TBC1D22A: variants seen among roughly 807,000 people sequenced by gnomAD.
The protein encoded by TBC1D22A is TBC1 domain family member 22A.
TBC1D22A carries 38 observed loss-of-function variants against 60.2 expected under a neutral mutation model. The ratio of observed to expected loss-of-function variants is 0.63; its 90% CI spans 0.49 to 0.83. The LOEUF is 0.83. Among genes scored for constraint, TBC1D22A ranks in the 40% least tolerant of loss-of-function variants. The pLI, the probability that TBC1D22A is intolerant of heterozygous loss-of-function variation, is 0.00. For missense variants in TBC1D22A, 628 were observed against 701.0 expected (o/e 0.90, Z 1.18); for synonymous variants, 302 against 281.7 (o/e 1.07, Z -0.72).
At chr22:46,988,726 G>C (rs1283976995) in intron 9 of TBC1D22A, among the ~76,000 whole-genome samples, 1 of 152,224 alleles carries the variant, frequency 6.6e-6, no homozygotes, top group Non-Finnish European at 1.5e-5. Context: ...AGCACAGGCA[G>C]AGTACTGAGC....
At chr22:46,921,995 C>T (rs1047013600) in intron 8 of TBC1D22A, among the ~76,000 whole-genome samples, 81 of 152,080 alleles carry the variant, frequency 5.3e-4, no homozygotes, top group Non-Finnish European at 8.8e-4. Flanking sequence ...TATTTCCTTA[C>T]ATTATCTTAC....
Position 46,985,515 on chromosome 22 carries a change from A to C in TBC1D22A, c.1125+11116A>C, listed in dbSNP as rs555507379. On this transcript the variant is annotated intron_variant, in intron 9 of 12. Coordinates refer to ENST00000337137, the MANE Select transcript of TBC1D22A (RefSeq NM_014346.5). Reference sequence around the variant, plus strand: ...TGAATCATTGAGCAGCAAGCAATTTAAAAATGAAAATTAAAAAATTCAATT... The same window carrying C: ...TGAATCATTGAGCAGCAAGCAATTTCAAAATGAAAATTAAAAAATTCAATT... Among the ~76,000 whole-genome samples the C allele has an allele frequency of 1.6e-3, 243 of 152,340 alleles. 1 individual carries two copies. The highest frequency in any genetic ancestry group is 0.014 in the Middle Eastern group (4 of 294).
chr22:46,766,049 G>GT (rs2083275267), intron 1 of TBC1D22A, among the ~76,000 whole-genome samples: 2 of 151,018 alleles, frequency 1.3e-5, no homozygotes, highest in Non-Finnish European at 2.9e-5. Context: ...CCAGGCTGGA[G>GT]TGCAGTGGTG....
At chr22:46,844,729 C>T (rs2057650275) in intron 4 of TBC1D22A, among the ~76,000 whole-genome samples, 2 of 152,210 alleles carry the variant, frequency 1.3e-5, no homozygotes, top group Admixed American at 1.3e-4. Context: ...TAATGAAGCC[C>T]TCCTGCTCAC....
At chr22:47,101,586 G>A (rs1044812181) in intron 11 of TBC1D22A, among the ~76,000 whole-genome samples, 2 of 152,262 alleles carry the variant, frequency 1.3e-5, no homozygotes, top group African/African-American at 2.4e-5. Flanking sequence ...ACTCAGACGG[G>A]ACATGCTTGG....
At position 47,164,032 on chromosome 22, in the gene TBC1D22A, G is replaced by T. The variant is rs190255763; in HGVS notation, c.1426-9466G>T. ...CCTTGTACGAAGCAGCCATCACCGC[G>T]CCAGGTAACAGAGCTGAGCCCTGTG... On this transcript the variant is annotated intron_variant, in intron 12 of 12. Coordinates refer to ENST00000337137, the MANE Select transcript of TBC1D22A (RefSeq NM_014346.5). Among the ~76,000 whole-genome samples, 424 of 152,300 alleles carry T rather than the reference G, an allele frequency of 2.8e-3. 2 individuals carry two copies. Among genetic ancestry groups the T allele is most frequent in the African/African-American group, 9.9e-3 (410 of 41,564 alleles).
chr22:46,817,424 G>A (rs557722246), intron 4 of TBC1D22A, among the ~76,000 whole-genome samples: 1 of 152,066 alleles, frequency 6.6e-6, no homozygotes, highest in Non-Finnish European at 1.5e-5. Context: ...CCCACCAACG[G>A]GTGCTGGTGT....
At chr22:46,999,471 A>G (rs1337872399) in intron 10 of TBC1D22A, among the ~76,000 whole-genome samples, 1 of 152,168 alleles carries the variant, frequency 6.6e-6, no homozygotes, top group Non-Finnish European at 1.5e-5. Context: ...TCATGGCCTC[A>G]TAATAAGAAT....
intron 12 of TBC1D22A, among the ~76,000 whole-genome samples, chr22:47,149,133 C>T (rs1466407390): frequency 6.6e-6 from 1 of 152,128 alleles, no homozygotes. Context: ...GGTCCAGTCC[C>T]CTGGGGCTGG....
At chr22:46,795,584 C>T (rs2084616508) in intron 3 of TBC1D22A, among the ~76,000 whole-genome samples, 1 of 152,206 alleles carries the variant, frequency 6.6e-6, no homozygotes, top group Admixed American at 6.5e-5. Context: ...ACTTGCCTGC[C>T]TTGGAGTTGG....
intron 9 of TBC1D22A, among the ~76,000 whole-genome samples, chr22:46,996,307 C>T (rs1284414734): frequency 6.6e-6 from 1 of 152,272 alleles, no homozygotes; most frequent in Non-Finnish European, 1.5e-5. Context: ...TCCCCAGTGT[C>T]ACTCCCTGAG....
intron 11 of TBC1D22A, among the ~76,000 whole-genome samples, chr22:47,107,753 AAAG>A (rs1463882533): frequency 3.2e-4 from 48 of 152,368 alleles, no homozygotes; most frequent in African/African-American, 9.6e-4. Context: ...CAGCCTTGAA[AAAG>A]AAGAAGACAC....
intron 12 of TBC1D22A, 130 bp downstream of exon 12, chr22:47,111,733 T>A (rs997983452): frequency 6.2e-5 from 49 of 793,696 alleles, no homozygotes; most frequent in Non-Finnish European, 8.9e-5. Flanking sequence ...GCCGCTGACC[T>A]CCTGCTGGTT....
intron 11 of TBC1D22A, among the ~76,000 whole-genome samples, chr22:47,039,871 A>G (rs1276616933): frequency 1.3e-5 from 2 of 150,860 alleles, no homozygotes; most frequent in Non-Finnish European, 2.9e-5. Flanking sequence ...GCAGAAGGTG[A>G]AGAGGAAGCA....
chr22:46,899,863 A>G (rs897502321), intron 7 of TBC1D22A, among the ~76,000 whole-genome samples: 8 of 152,148 alleles, frequency 5.3e-5, no homozygotes, highest in African/African-American at 1.9e-4. Flanking sequence ...TGTATGGATC[A>G]GGGAAAATGT....
intron 8 of TBC1D22A, among the ~76,000 whole-genome samples, chr22:46,934,735 G>T (rs2071547378): frequency 6.6e-6 from 1 of 152,220 alleles, no homozygotes; most frequent in African/African-American, 2.4e-5. Flanking sequence ...CTCTGGTTCA[G>T]TGCAGGGCAA....
chr22:47,103,693 A>G (rs964053765), intron 11 of TBC1D22A, among the ~76,000 whole-genome samples: 5 of 152,216 alleles, frequency 3.3e-5, no homozygotes, highest in South Asian at 2.1e-4. Flanking sequence ...TATTTGGTCA[A>G]TTTTAATTCC....
At chr22:46,792,629 G>T (rs1428444886) in intron 2 of TBC1D22A, 53 bp downstream of exon 2, 2 of 1,613,962 alleles carry the variant, frequency 1.2e-6, no homozygotes, top group East Asian at 4.5e-5. Context: ...TGGGAGGGCT[G>T]TGGCAACCCC....
At chr22:46,959,067 G>A (rs2073358825) in intron 8 of TBC1D22A, among the ~76,000 whole-genome samples, 1 of 152,242 alleles carries the variant, frequency 6.6e-6, no homozygotes, top group East Asian at 1.9e-4. Context: ...GTGTGCTCCC[G>A]GCCGTCTCTC....
Sources: gnomAD v4.1 joint callset for allele counts (sites outside exome capture counted in the v4.1 genomes callset) on GRCh38, gnomAD v4.1.1 for gene constraint, MANE v1.5 for transcripts, NCBI Gene and HGNC (gene_info 2026-07-23, HGNC 2026-07-21) for gene names.